Variants in TFEC observed in about 807,000 individuals in gnomAD.
The protein encoded by TFEC is class E basic helix-loop-helix protein 34.
In TFEC, 31 loss-of-function variants were observed where a neutral mutation model predicts 41.6. The observed-to-expected ratio is 0.74, with a 90% CI of 0.56 to 1.01. TFEC has a LOEUF of 1.01. Among genes scored for constraint, TFEC ranks in the 50% least tolerant of loss-of-function variants. TFEC has a pLI of 0.00. For synonymous variants in TFEC, 143 were observed against 140.6 expected (o/e 1.02, Z -0.12); for missense variants, 402 against 404.1 (o/e 0.99, Z 0.04).
intron 1 of TFEC, among the ~76,000 whole-genome samples, chr7:115,995,009 A>G (rs1474681887): frequency 6.6e-6 from 1 of 152,148 alleles, no homozygotes; most frequent in Non-Finnish European, 1.5e-5. Flanking sequence ...ATGGAATATT[A>G]TGCAGCCATA....
Position 115,940,538 on chromosome 7 carries a change from G to T in TFEC, c.*13C>A. ...AATTGCTTTCCAGTTGATGAATTGG[G>T]TCTGTTTATTTCTTATAATTCATCA... On this transcript the variant is annotated 3_prime_UTR_variant, in exon 8 of 8. Transcript: ENST00000265440. 6.3e-7 allele frequency: 1 copy of T among 1,590,284 alleles called. No homozygotes were observed. The highest frequency in any genetic ancestry group is 8.6e-7 in the Non-Finnish European group (1 of 1,166,054).
chr7:116,107,862 T>C (rs1047122449), intron 3 of TFEC, among the ~76,000 whole-genome samples: 11 of 152,164 alleles, frequency 7.2e-5, no homozygotes, highest in Admixed American at 5.9e-4. Flanking sequence ...AATCTGCAAA[T>C]GGGGCTTCCA....
intron 1 of TFEC, among the ~76,000 whole-genome samples, chr7:116,145,539 T>TA (rs1798625204): frequency 6.6e-6 from 1 of 152,144 alleles, no homozygotes; most frequent in African/African-American, 2.4e-5. Flanking sequence ...CTCAATGAAT[T>TA]ACAGGCAATT....
At chr7:116,140,879 A>G (rs575501360) in intron 1 of TFEC, among the ~76,000 whole-genome samples, 1 of 152,320 alleles carries the variant, frequency 6.6e-6, no homozygotes, top group South Asian at 2.1e-4. Context: ...AGGTGACACA[A>G]TGTATTTCCT....
intron 4 of TFEC, 63 bp from the exon 5 acceptor site, chr7:115,954,705 A>G: frequency 4.7e-6 from 6 of 1,268,704 alleles, no homozygotes; most frequent in Non-Finnish European, 6.7e-6. Context: ...TCCAGGCAAC[A>G]TAATTCAGAA....
At chr7:116,026,488 C>T (rs1795591175) in intron 1 of TFEC, among the ~76,000 whole-genome samples, 1 of 152,168 alleles carries the variant, frequency 6.6e-6, no homozygotes, top group Non-Finnish European at 1.5e-5. Flanking sequence ...GCACCAGGTA[C>T]ACTCCTCCTC....
At chr7:115,958,236 A>G (rs1265016058) in intron 3 of TFEC, among the ~76,000 whole-genome samples, 1 of 151,908 alleles carries the variant, frequency 6.6e-6, no homozygotes, top group African/African-American at 2.4e-5. Flanking sequence ...TTAGGCAGAC[A>G]ATGTGTGTTA....
chr7:116,150,555 A>G (rs1798740139), intron 1 of TFEC, among the ~76,000 whole-genome samples: 1 of 152,024 alleles, frequency 6.6e-6, no homozygotes, highest in Non-Finnish European at 1.5e-5. Context: ...TTTCTGCTTG[A>G]CAACCAAACC....
At chr7:115,954,450 A>C in intron 5 of TFEC, 136 bp downstream of exon 5, 2 of 554,826 alleles carry the variant, frequency 3.6e-6, no homozygotes, top group Non-Finnish European at 6.0e-6. Context: ...ATTTCCCAAA[A>C]TAAATCAAGT....
intron 3 of TFEC, among the ~76,000 whole-genome samples, chr7:116,106,118 C>T (rs556882917): frequency 3.3e-5 from 5 of 152,064 alleles, no homozygotes; most frequent in East Asian, 1.9e-4. Context: ...TGACATATGA[C>T]GTTGCTTAGA....
chr7:116,058,039 A>G (rs1013472299), intron 3 of TFEC, among the ~76,000 whole-genome samples: 1 of 151,838 alleles, frequency 6.6e-6, no homozygotes, highest in Non-Finnish European at 1.5e-5. Context: ...TCAAATTAAT[A>G]ATCACATTAA....
chr7:116,077,054 C>A (rs575425588), intron 3 of TFEC, among the ~76,000 whole-genome samples: 21 of 152,160 alleles, frequency 1.4e-4, no homozygotes, highest in African/African-American at 4.8e-4. Flanking sequence ...TAAATGAAAG[C>A]CTACCAGATT....
intron 3 of TFEC, among the ~76,000 whole-genome samples, chr7:116,100,842 G>C (rs1361856360): frequency 6.6e-6 from 1 of 151,884 alleles, no homozygotes; most frequent in Non-Finnish European, 1.5e-5. Context: ...GTTAGGGTGA[G>C]AACACACCAT....
intron 3 of TFEC, among the ~76,000 whole-genome samples, chr7:116,107,970 T>C (rs1797759068): frequency 1.3e-5 from 2 of 152,178 alleles, no homozygotes; most frequent in African/African-American, 2.4e-5. Flanking sequence ...GCTAAAAATA[T>C]ATTGTTTTAT....
intron 3 of TFEC, among the ~76,000 whole-genome samples, chr7:116,040,714 T>C (rs1796016771): frequency 6.6e-6 from 1 of 152,150 alleles, no homozygotes; most frequent in Admixed American, 6.5e-5. Context: ...TCTAACATCA[T>C]GGCTGTTGAA....
At chr7:115,979,615 AT>A (rs1793536349) in intron 2 of TFEC, among the ~76,000 whole-genome samples, 1 of 152,024 alleles carries the variant, frequency 6.6e-6, no homozygotes, top group Non-Finnish European at 1.5e-5. Context: ...TTTTATTTTC[AT>A]TTGTCCTTTG....
At chr7:116,114,871 C>T (rs1797943761) in intron 1 of TFEC, among the ~76,000 whole-genome samples, 2 of 151,912 alleles carry the variant, frequency 1.3e-5, no homozygotes. Flanking sequence ...ATCTCACTCT[C>T]AAAGAACCAA....
At chr7:115,958,067 C>T (rs1792329429) in intron 3 of TFEC, among the ~76,000 whole-genome samples, 1 of 151,560 alleles carries the variant, frequency 6.6e-6, no homozygotes. Context: ...TCATTATTAA[C>T]TCTATTAGGA....
intron 2 of TFEC, 34 bp from the exon 3 acceptor site, chr7:115,974,290 A>C: frequency 2.1e-6 from 3 of 1,451,850 alleles, no homozygotes. Flanking sequence ...AATATTGTAC[A>C]TAATGATAAA....
Sources: allele counts gnomAD v4.1 joint callset (sites outside exome capture counted in the v4.1 genomes callset), GRCh38; gene constraint gnomAD v4.1.1; transcripts MANE v1.5; gene names NCBI Gene and HGNC (gene_info 2026-07-23, HGNC 2026-07-21).